The following FERMT2 variants were observed in gnomAD, a reference collection of about 807,000 sequenced individuals.
The protein encoded by FERMT2 is fermitin family homolog 2.
In FERMT2, 15 loss-of-function variants were observed where a neutral mutation model predicts 82.7. The ratio of observed to expected loss-of-function variants is 0.18; its 90% CI spans 0.12 to 0.28. The LOEUF is 0.28. Among genes scored for constraint, FERMT2 ranks in the 10% least tolerant of loss-of-function variants. The probability of loss-of-function intolerance (pLI) is 1.00; values close to 1 mark genes in which losing one functional copy is unlikely to be tolerated. For missense variants in FERMT2, 645 were observed against 809.4 expected (o/e 0.80, Z 2.46); for synonymous variants, 274 against 271.5 (o/e 1.01, Z -0.09).
chr14:52,917,054 T>C (rs1165564592), intron 3 of FERMT2, among the ~76,000 whole-genome samples: 1 of 152,194 alleles, frequency 6.6e-6, no homozygotes, highest in Non-Finnish European at 1.5e-5. Flanking sequence ...TTTTCATACA[T>C]TGCTAGTTGG....
chr14:52,940,383 A>T (rs1416278397), intron 2 of FERMT2, among the ~76,000 whole-genome samples: 1 of 152,220 alleles, frequency 6.6e-6, no homozygotes, highest in Non-Finnish European at 1.5e-5. Context: ...AAAATACCAT[A>T]AGACATCATT....
chr14:52,891,156 A>C (rs989292548), intron 4 of FERMT2, among the ~76,000 whole-genome samples: 1 of 152,162 alleles, frequency 6.6e-6, no homozygotes, highest in Non-Finnish European at 1.5e-5. Flanking sequence ...CTTCCCCCAT[A>C]AACTGGCTCA....
chr14:52,877,644 G>A (rs182390957), intron 7 of FERMT2, among the ~76,000 whole-genome samples: 3 of 85,308 alleles, frequency 3.5e-5, no homozygotes, highest in Non-Finnish European at 6.4e-5. Context: ...AACTTTTTGG[G>A]TCACAACTGA....
intron 2 of FERMT2, among the ~76,000 whole-genome samples, chr14:52,944,063 T>C (rs1890214909): frequency 6.6e-6 from 1 of 152,200 alleles, no homozygotes; most frequent in South Asian, 2.1e-4. Flanking sequence ...CTCTAAGGAA[T>C]AGCTCATACT....
Position 52,949,478 on chromosome 14 carries a change from C to T in FERMT2, c.157+934G>A, listed in dbSNP as rs116457705. 9.1e-3 allele frequency among the ~76,000 whole-genome samples: 1,382 copies of T among 151,222 alleles called. 22 individuals are homozygous for T. Among genetic ancestry groups the T allele is most frequent in the African/African-American group, 0.032 (1,299 of 41,160 alleles). On this transcript the variant is annotated intron_variant, in intron 2 of 14. Coordinates refer to ENST00000341590, the MANE Select transcript of FERMT2 (RefSeq NM_006832.3). Reference sequence around the variant, plus strand: ...ACAATTCCAGCCTAAAAAGACAATGCCACACAGATAATCATCTTATCACAA... The same window carrying T: ...ACAATTCCAGCCTAAAAAGACAATGTCACACAGATAATCATCTTATCACAA...
At chr14:52,912,365 T>C (rs947380006) in intron 3 of FERMT2, among the ~76,000 whole-genome samples, 1 of 152,206 alleles carries the variant, frequency 6.6e-6, no homozygotes, top group African/African-American at 2.4e-5. Flanking sequence ...TTTAGTCTTA[T>C]AATTTGTCAA....
intron 12 of FERMT2, chr14:52,863,473 T>C (rs891808363): frequency 6.6e-6 from 1 of 152,144 alleles, no homozygotes; most frequent in Non-Finnish European, 1.5e-5. Flanking sequence ...TTTTATGGCA[T>C]GATGTTGGGG....
Position 52,858,534 on chromosome 14 carries a change from G to T in FERMT2, c.1886C>A (p.Ala629Glu). The change falls in exon 15 of 15, where the codon GCA becomes GAA. Residue 629 changes from alanine (A) to glutamate (E), a missense_variant. Ala to Glu is a moderately radical substitution (Grantham distance 107, BLOSUM62 -1). Coordinates refer to ENST00000341590, the MANE Select transcript of FERMT2 (RefSeq NM_006832.3). Reference protein sequence around the residue: ...WEIKMVTVEFADEVRLSFICT... With the variant: ...WEIKMVTVEFEDEVRLSFICT... The stretch of plus-strand genomic sequence containing the variant: ...AATGAAGGACAATCGTACTTCATCT[G>T]CAAACTCTACGGTGACCTGGAACAA... 1 of 1,614,044 alleles carries T rather than the reference G, an allele frequency of 6.2e-7. No homozygotes were observed. The highest frequency in any genetic ancestry group is 1.3e-5 in the African/African-American group (1 of 75,042).
At chr14:52,912,354 C>T (rs1281016044) in intron 3 of FERMT2, among the ~76,000 whole-genome samples, 4 of 152,102 alleles carry the variant, frequency 2.6e-5, no homozygotes, top group African/African-American at 7.2e-5. Context: ...GCAGGAAAGA[C>T]TTTAGTCTTA....
chr14:52,906,528 T>G (rs535019117), intron 3 of FERMT2, among the ~76,000 whole-genome samples: 2 of 133,830 alleles, frequency 1.5e-5, no homozygotes, highest in Admixed American at 1.7e-4. Flanking sequence ...TAATGACACA[T>G]AGTCAGGAGT....
intron 3 of FERMT2, among the ~76,000 whole-genome samples, chr14:52,899,292 A>G (rs556902698): frequency 1.3e-5 from 2 of 148,918 alleles, no homozygotes; most frequent in Admixed American, 6.7e-5. Context: ...TTATTTATTT[A>G]TTTTTTTTGA....
intron 2 of FERMT2, among the ~76,000 whole-genome samples, chr14:52,923,602 A>G (rs944156706): frequency 1.3e-4 from 20 of 151,844 alleles, no homozygotes; most frequent in Middle Eastern, 3.2e-3. Context: ...ATTCCACCTC[A>G]GTTTCTCATC....
At chr14:52,882,243 T>C (rs1886341787) in intron 4 of FERMT2, among the ~76,000 whole-genome samples, 1 of 152,148 alleles carries the variant, frequency 6.6e-6, no homozygotes. Context: ...TTTTAAGTTC[T>C]GGGGTACAAC....
In FERMT2 at chr14:52,878,630, T is replaced by C; in HGVS notation, c.915A>G (p.Glu305=). 1 of 1,610,982 alleles carries C rather than the reference T, an allele frequency of 6.2e-7. No homozygotes were observed. The highest frequency in any genetic ancestry group is 1.3e-5 in the African/African-American group (1 of 74,946). The change falls in exon 7 of 15, where the codon GAA becomes GAG. Residue 305 remains glutamate (E), a synonymous_variant. Coordinates refer to ENST00000341590, the MANE Select transcript of FERMT2 (RefSeq NM_006832.3). ...TTTCTTCTTCTGTGCATTCAATCTC[T>C]TCCAGGAGAATGGCCCATTTGGCCT... ...YEQAKWAILL[E]EIECTEEEMM... is the part of the protein sequence containing the mutation.
rs986194028 is a variant in FERMT2, at chr14:52,919,213, G to A, written c.301C>T (p.Leu101=). ...QFTPQHKLLR[L]QLPNMKYVKV... is the part of the protein sequence containing the mutation. ...ACATACTTCATGTTGGGAAGCTGCA[G>A]GCGGAGCAGTTTGTGCTGAGGGGTG... is the stretch of plus-strand genomic sequence containing the variant. Residue 101 remains leucine (L), a synonymous_variant, in exon 3 of 15, where the codon CTG becomes TTG. Transcript: ENST00000341590. The A allele has an allele frequency of 2.5e-6, 4 of 1,613,954 alleles. No individual in the cohort carries two copies. In the African/African-American group the frequency reaches 5.3e-5, roughly 22 times the overall value.
intron 10 of FERMT2, among the ~76,000 whole-genome samples, chr14:52,867,045 A>G (rs1484466965): frequency 6.7e-6 from 1 of 149,484 alleles, no homozygotes; most frequent in African/African-American, 2.5e-5. Context: ...CTTTTCTGTT[A>G]CCTCTTTCCC....
intron 12 of FERMT2, chr14:52,862,454 G>GC (rs1435492299): frequency 1.3e-5 from 2 of 152,298 alleles, no homozygotes; most frequent in East Asian, 3.9e-4. Flanking sequence ...GATCACTTGA[G>GC]CTCAAGAGTT....
At chr14:52,882,221 GT>G (rs528790550) in intron 4 of FERMT2, among the ~76,000 whole-genome samples, 1 of 151,910 alleles carries the variant, frequency 6.6e-6, no homozygotes, top group African/African-American at 2.4e-5. Flanking sequence ...TACAAATAAA[GT>G]TTTTTTTAAT....
intron 6 of FERMT2, 94 bp from the exon 7 acceptor site, chr14:52,878,783 G>A: frequency 1.7e-6 from 1 of 591,472 alleles, no homozygotes; most frequent in Non-Finnish European, 2.8e-6. Flanking sequence ...AAAATTTAAT[G>A]CTTTTTTTCC....
Sources: gnomAD v4.1 joint callset for allele counts (sites outside exome capture counted in the v4.1 genomes callset) on GRCh38, gnomAD v4.1.1 for gene constraint, MANE v1.5 for transcripts, NCBI Gene and HGNC (gene_info 2026-07-23, HGNC 2026-07-21) for gene names.